DHODH: variants seen among roughly 807,000 people sequenced by gnomAD.
The protein encoded by DHODH is dihydroorotate dehydrogenase (quinone), also known as dihydroorotate dehydrogenase (quinone), mitochondrial.
In DHODH, 30 loss-of-function variants were observed where a neutral mutation model predicts 39.7. The observed-to-expected ratio is 0.76, with a 90% CI of 0.57 to 1.02. The LOEUF (loss-of-function observed/expected upper bound fraction) is 1.02. Among genes scored for constraint, DHODH ranks in the 50% least tolerant of loss-of-function variants. DHODH has a pLI of 0.00. For missense variants in DHODH, 531 were observed against 520.8 expected (o/e 1.02, Z -0.19); for synonymous variants, 222 against 213.8 (o/e 1.04, Z -0.34).
intron 4 of DHODH, 152 bp from the exon 5 acceptor site, chr16:72,020,972 C>T (rs1025724653): frequency 1.2e-4 from 87 of 753,758 alleles, no homozygotes; most frequent in South Asian, 1.1e-3. Flanking sequence ...GGGCCCAGGC[C>T]GCAGTTGAGC....
chr16:72,011,988 G>A, intron 1 of DHODH, 62 bp from the exon 2 acceptor site: 1 of 1,412,788 alleles, frequency 7.1e-7, no homozygotes, highest in Non-Finnish European at 1.0e-6. Context: ...TGGGTGTGAA[G>A]GGCTCAGGAA....
chr16:72,016,701 C>T, intron 3 of DHODH: 1 of 374,362 alleles, frequency 2.7e-6, no homozygotes, highest in East Asian at 6.5e-5. Context: ...TTTGGGAGCC[C>T]AGGCAGAAGG....
Position 72,024,441 on chromosome 16 carries a change from C to T in DHODH, c.*242C>T. 1.8e-6 allele frequency: 1 copy of T among 563,062 alleles called. No homozygotes were observed. Among genetic ancestry groups the T allele is most frequent in the Non-Finnish European group, 3.2e-6 (1 of 313,222 alleles). The allele number at this position is 563,062 out of a possible 1,614,324, so 34.9% of individuals were successfully genotyped here. Reference sequence around the variant, plus strand: ...GATTCAAACCCTAGGATCCATCAGTCTTGCAAGGACATTGAATATTAGGAG... The same window carrying T: ...GATTCAAACCCTAGGATCCATCAGTTTTGCAAGGACATTGAATATTAGGAG... On this transcript the variant is annotated 3_prime_UTR_variant, in exon 9 of 9. Transcript: ENST00000219240.
intron 4 of DHODH, among the ~76,000 whole-genome samples, chr16:72,019,189 C>G (rs1355214782): frequency 2.0e-5 from 3 of 152,286 alleles, no homozygotes; most frequent in African/African-American, 7.2e-5. Context: ...CTCCTGACCT[C>G]AATTGATCCA....
At chr16:72,012,746 G>C (rs564652739) in intron 2 of DHODH, among the ~76,000 whole-genome samples, 5 of 152,150 alleles carry the variant, frequency 3.3e-5, no homozygotes, top group South Asian at 2.1e-4. Context: ...CAGGAGCATC[G>C]TGTCCCAGCC....
chr16:72,022,617 ACT>A (rs1219430420), intron 6 of DHODH, 142 bp downstream of exon 6: 9 of 729,778 alleles, frequency 1.2e-5, no homozygotes, highest in African/African-American at 3.5e-5. Context: ...TCATGGTGTA[ACT>A]CACCCTGTGG....
intron 2 of DHODH, among the ~76,000 whole-genome samples, chr16:72,013,064 G>A (rs933713570): frequency 1.3e-5 from 2 of 152,226 alleles, no homozygotes; most frequent in Admixed American, 6.5e-5. Flanking sequence ...TGATGAGTGT[G>A]AAAATGCAAA....
intron 1 of DHODH, among the ~76,000 whole-genome samples, chr16:72,010,322 C>T (rs564920022): frequency 6.6e-6 from 1 of 152,202 alleles, no homozygotes; most frequent in Non-Finnish European, 1.5e-5. Context: ...ATAATTGAAC[C>T]AGAATAGGTT....
chr16:72,014,864 C>T (rs183365066), intron 3 of DHODH, among the ~76,000 whole-genome samples, 192 bp downstream of exon 3: 5 of 152,332 alleles, frequency 3.3e-5, no homozygotes, highest in East Asian at 1.9e-4. Context: ...TGCTTTGTTA[C>T]GTCCATTTAA....
At chr16:72,013,527 A>G (rs1259612204) in intron 2 of DHODH, 1 of 152,226 alleles carries the variant, frequency 6.6e-6, no homozygotes, top group African/African-American at 2.4e-5. Context: ...ACCGGTAACC[A>G]GGATTCTTGA....
At chr16:72,020,905 C>T (rs1756923515) in intron 4 of DHODH, among the ~76,000 whole-genome samples, 1 of 152,208 alleles carries the variant, frequency 6.6e-6, no homozygotes, top group African/African-American at 2.4e-5. Context: ...GCAAAACATC[C>T]TCGTAGCTGC....
chr16:72,010,578 T>C (rs550855384), intron 1 of DHODH, among the ~76,000 whole-genome samples: 1 of 152,332 alleles, frequency 6.6e-6, no homozygotes, highest in East Asian at 1.9e-4. Context: ...TCAATCAGTA[T>C]TTGATGAATG....
chr16:72,022,629 G>T (rs913766876), intron 6 of DHODH, among the ~76,000 whole-genome samples, 154 bp downstream of exon 6: 5 of 152,234 alleles, frequency 3.3e-5, no homozygotes, highest in African/African-American at 1.2e-4. Flanking sequence ...TCACCCTGTG[G>T]TCAAAAGCGA....
chr16:72,016,992 C>T (rs1053444406), intron 3 of DHODH, 32 bp from the exon 4 acceptor site: 1 of 1,606,340 alleles, frequency 6.2e-7, no homozygotes, highest in African/African-American at 1.3e-5. Context: ...TGCCGTCTCA[C>T]TCTGCCCCTC....
intron 1 of DHODH, among the ~76,000 whole-genome samples, 175 bp from the exon 2 acceptor site, chr16:72,011,875 G>A (rs1415789202): frequency 6.6e-6 from 1 of 152,306 alleles, no homozygotes; most frequent in South Asian, 2.1e-4. Flanking sequence ...AAGAAGGTGT[G>A]TAGGCAGAAG....
At chr16:72,023,074 C>G in intron 6 of DHODH, 91 bp from the exon 7 acceptor site, 1 of 1,368,654 alleles carries the variant, frequency 7.3e-7, no homozygotes, top group Non-Finnish European at 1.0e-6. Context: ...GTGTGGGTAC[C>G]TGGCCCGGCT....
At position 72,022,467 on chromosome 16, in the gene DHODH, G is replaced by C; in HGVS notation, c.811G>C (p.Val271Leu). The change falls in exon 6 of 9, where the codon GTC becomes CTC. Residue 271 changes from valine to leucine, a missense_variant. Transcript: ENST00000219240. ...SQDKEDIASV[V>L]KELGIDGLIV... The stretch of plus-strand genomic sequence containing the variant: ...GGATAAGGAGGACATTGCCAGTGTG[G>C]TCAAAGAGGTTTGAGTCGGGGCCTG... 1 of 1,552,542 alleles carries C rather than the reference G, an allele frequency of 6.4e-7. No homozygotes were observed. Among genetic ancestry groups the C allele is most frequent in the Non-Finnish European group, 8.7e-7 (1 of 1,147,926 alleles).
Position 72,025,035 on chromosome 16 carries a change from T to G in DHODH, c.*836T>G, listed in dbSNP as rs1184613794. On this transcript the variant is annotated 3_prime_UTR_variant, in exon 9 of 9. Transcript: ENST00000219240. ...CTTTCTCTATAACATGGATAAAATA[T>G]TCACGTCTTATGTATTTATTATTGC... 6.6e-6 allele frequency: 1 copy of G among 152,214 alleles called. No individual in the cohort carries two copies. The highest frequency in any genetic ancestry group is 1.5e-5 in the Non-Finnish European group (1 of 68,044). 9.4% of individuals were successfully genotyped at this position (152,214 alleles called of 1,614,324 possible).
Position 72,014,660 on chromosome 16 carries a change from C to T in DHODH, c.422C>T (p.Ala141Val). The part of the protein sequence containing the change: ...PRVFRLPEDQ[A>V]VINRYGFNSH... ...GTCTTCCGCCTCCCTGAGGACCAAG[C>T]TGTCATTAACAGGTAGGTGAGCGGC... The change falls in exon 3 of 9, where the codon GCT (alanine) becomes GTT (valine). Residue 141 changes from alanine (A) to valine (V), a missense_variant. By Grantham distance (64) the Ala-to-Val change is moderately conservative (BLOSUM62 0). Transcript: ENST00000219240. The T allele has an allele frequency of 6.2e-7, 1 of 1,614,136 alleles. No homozygotes were observed. Among genetic ancestry groups the T allele is most frequent in the Non-Finnish European group, 8.5e-7 (1 of 1,180,032 alleles).
Sources: gnomAD v4.1 joint callset for allele counts (sites outside exome capture counted in the v4.1 genomes callset) on GRCh38, gnomAD v4.1.1 for gene constraint, MANE v1.5 for transcripts, NCBI Gene and HGNC (gene_info 2026-07-23, HGNC 2026-07-21) for gene names.